The following PHYHIPL variants were observed in gnomAD, a reference collection of about 807,000 sequenced individuals.
The protein encoded by PHYHIPL is phytanoyl-CoA 2-hydroxylase interacting protein like.
Under a neutral mutation model 33.4 loss-of-function variants are expected in PHYHIPL, and 9 were observed. The observed-to-expected ratio is 0.27, with a 90% CI of 0.16 to 0.47. The LOEUF (loss-of-function observed/expected upper bound fraction) is 0.47, where lower values mean the gene tolerates loss of function less well. PHYHIPL is among the 20% of genes least tolerant of loss of function. The pLI is 0.99. For missense variants in PHYHIPL, 365 were observed against 460.7 expected (o/e 0.79, Z 1.90); for synonymous variants, 153 against 154.1 (o/e 0.99, Z 0.05).
chr10:59,183,625 T>G (rs1236380725), intron 1 of PHYHIPL: 2 of 983,366 alleles, frequency 2.0e-6, no homozygotes, highest in African/African-American at 3.5e-5. Flanking sequence ...ACAACCAGGT[T>G]TGTTACAAAT....
intron 3 of PHYHIPL, among the ~76,000 whole-genome samples, chr10:59,237,859 T>TA (rs1018814679): frequency 6.6e-6 from 1 of 151,922 alleles, no homozygotes; most frequent in Middle Eastern, 3.2e-3. Flanking sequence ...GGAATAATAA[T>TA]ATATTTTTTA....
chr10:59,183,560 T>G, intron 1 of PHYHIPL: 1 of 591,652 alleles, frequency 1.7e-6, no homozygotes. Flanking sequence ...ATCTCACCCT[T>G]TGAGGGAAAG....
rs1193988937 is a variant in PHYHIPL at position 59,246,955 on chromosome 10, A to G, written c.*1364A>G. On this transcript the variant is annotated 3_prime_UTR_variant, in exon 5 of 5. Transcript: ENST00000373880. ...TATAGACAAAGATAATAATTCACAA[A>G]GTACATGCTATCAGAATGAACTTTG... The G allele has an allele frequency of 8.5e-6, 2 of 235,746 alleles. No individual in the cohort carries two copies. Among genetic ancestry groups the G allele is most frequent in the Non-Finnish European group, 1.6e-5 (2 of 123,868 alleles). The allele number at this position is 235,746 out of a possible 1,614,324, so 14.6% of individuals were successfully genotyped here. A position where few individuals can be genotyped will look rare whatever the true frequency, so the allele number is the denominator to read the frequency against.
At chr10:59,226,746 G>A (rs1839937406) in intron 1 of PHYHIPL, among the ~76,000 whole-genome samples, 1 of 152,078 alleles carries the variant, frequency 6.6e-6, no homozygotes, top group African/African-American at 2.4e-5. Flanking sequence ...ACATATGGAA[G>A]GTTTGATAAG....
Position 59,205,261 on chromosome 10 carries a change from T to G in PHYHIPL, c.106+28302T>G, listed in dbSNP as rs563638763. ...GGACACTGTATTCATGTTATCCTGA[T>G]GTAACAGCTTTTTCTCATGTGACAT... On this transcript the variant is annotated intron_variant, in intron 1 of 4. Transcript: ENST00000373880. Among the ~76,000 whole-genome samples the G allele has an allele frequency of 1.0e-3, 156 of 152,332 alleles. 2 individuals are homozygous for G. Among genetic ancestry groups the G allele is most frequent in the African/African-American group, 3.7e-3 (152 of 41,580 alleles).
At chr10:59,214,236 G>A (rs1839545442) in intron 1 of PHYHIPL, among the ~76,000 whole-genome samples, 1 of 152,064 alleles carries the variant, frequency 6.6e-6, no homozygotes, top group African/African-American at 2.4e-5. Flanking sequence ...TGCAGAAGAT[G>A]CTTAGTTATG....
intron 4 of PHYHIPL, among the ~76,000 whole-genome samples, chr10:59,240,333 G>GA (rs1840354527): frequency 6.6e-6 from 1 of 151,794 alleles, no homozygotes; most frequent in Non-Finnish European, 1.5e-5. Flanking sequence ...CTTGCAATGG[G>GA]GTTATGTCCT....
chr10:59,193,358 A>G (rs571570160), intron 1 of PHYHIPL, among the ~76,000 whole-genome samples: 1 of 152,312 alleles, frequency 6.6e-6, no homozygotes, highest in East Asian at 1.9e-4. Flanking sequence ...ACACTGGATT[A>G]ATTTTTTCCC....
intron 1 of PHYHIPL, among the ~76,000 whole-genome samples, chr10:59,195,180 T>C (rs1177081076): frequency 6.6e-6 from 1 of 152,158 alleles, no homozygotes; most frequent in Non-Finnish European, 1.5e-5. Context: ...TTAATTGCTT[T>C]TAAAATGACT....
At chr10:59,231,478 A>G (rs1321462098) in intron 1 of PHYHIPL, among the ~76,000 whole-genome samples, 1 of 152,120 alleles carries the variant, frequency 6.6e-6, no homozygotes, top group African/African-American at 2.4e-5. Context: ...AGCCAAAAAC[A>G]CAAAGAAAGA....
Position 59,230,825 on chromosome 10 carries a change from G to A in PHYHIPL, c.107-3479G>A, listed in dbSNP as rs527996112. 9.2e-5 allele frequency among the ~76,000 whole-genome samples: 14 copies of A among 152,164 alleles called. No individual in the cohort carries two copies. The South Asian group carries it at 1.7e-3, about 18-fold the overall frequency. On this transcript the variant is annotated intron_variant, in intron 1 of 4. Transcript: ENST00000373880. ...TAGAAGGGCAGTTAAAACCATGGCG[G>A]GGGGGCTTCCAGATCATAGGTAGAT...
chr10:59,180,298 T>C (rs1358543750), intron 1 of PHYHIPL, among the ~76,000 whole-genome samples: 1 of 125,762 alleles, frequency 8.0e-6, no homozygotes, highest in African/African-American at 2.9e-5. Context: ...ATATATAATA[T>C]ATATATATAG....
intron 1 of PHYHIPL, among the ~76,000 whole-genome samples, chr10:59,180,977 A>G (rs568153271): frequency 1.6e-4 from 24 of 152,310 alleles, no homozygotes; most frequent in South Asian, 1.2e-3. Context: ...TCTCAGTGAC[A>G]TGCAGTGTAG....
intron 1 of PHYHIPL, among the ~76,000 whole-genome samples, chr10:59,232,216 A>G (rs1840100606): frequency 1.3e-5 from 2 of 152,040 alleles, no homozygotes; most frequent in Admixed American, 1.3e-4. Flanking sequence ...TTACACAACC[A>G]AAGTATAATG....
At position 59,246,897 on chromosome 10, in the gene PHYHIPL, C is replaced by A; in HGVS notation, c.*1306C>A. On this transcript the variant is annotated 3_prime_UTR_variant, in exon 5 of 5. Transcript: ENST00000373880. The stretch of plus-strand genomic sequence containing the variant: ...AAATACCTATTTTAAATTTTTAATA[C>A]AATATTTTATTTTAATATAAACATC... 3.1e-6 allele frequency: 1 copy of A among 327,586 alleles called. No individual in the cohort carries two copies. The allele number at this position is 327,586 out of a possible 1,614,324, so 20.3% of individuals were successfully genotyped here.
chr10:59,214,652 G>T (rs1390548412), intron 1 of PHYHIPL, among the ~76,000 whole-genome samples: 2 of 151,940 alleles, frequency 1.3e-5, no homozygotes, highest in Non-Finnish European at 2.9e-5. Context: ...AATACAAGAT[G>T]GTGTTAAATT....
At chr10:59,191,208 A>G (rs1838775125) in intron 1 of PHYHIPL, among the ~76,000 whole-genome samples, 2 of 151,950 alleles carry the variant, frequency 1.3e-5, no homozygotes, top group South Asian at 4.1e-4. Context: ...TCTGACCCAT[A>G]TATATTCTCA....
At chr10:59,203,970 A>G (rs1311929981) in intron 1 of PHYHIPL, among the ~76,000 whole-genome samples, 1 of 152,158 alleles carries the variant, frequency 6.6e-6, no homozygotes, top group Non-Finnish European at 1.5e-5. Flanking sequence ...ATGCATGTAT[A>G]AGGGTTATTT....
chr10:59,247,342 T>A lies in PHYHIPL; in HGVS notation c.*1751T>A. 1 of 374,302 alleles carries A rather than the reference T, an allele frequency of 2.7e-6. No homozygotes were observed. The highest frequency in any genetic ancestry group is 4.8e-6 in the Non-Finnish European group (1 of 209,954). 23.2% of individuals were successfully genotyped at this position (374,302 alleles called of 1,614,324 possible). On this transcript the variant is annotated 3_prime_UTR_variant, in exon 5 of 5. Coordinates refer to ENST00000373880, the MANE Select transcript of PHYHIPL (RefSeq NM_032439.4). ...GATTTGATAAAATATTAGACATTTT[T>A]AAAAATACTTGTATTGACTATGAGT...
Sources: gnomAD v4.1 joint callset for allele counts (sites outside exome capture counted in the v4.1 genomes callset) on GRCh38, gnomAD v4.1.1 for gene constraint, MANE v1.5 for transcripts, NCBI Gene and HGNC (gene_info 2026-07-23, HGNC 2026-07-21) for gene names.